Variants in DNAJC15 observed in about 807,000 individuals in gnomAD.
DNAJC15 encodes the protein DnaJ heat shock protein family (Hsp40) member C15.
A neutral mutation model predicts 22.4 loss-of-function variants in DNAJC15; 27 were observed. That is an observed-to-expected ratio of 1.20 (90% CI 0.89 to 1.66). DNAJC15 has a LOEUF of 1.66. DNAJC15 is among the 40% of genes most tolerant of loss of function. DNAJC15 has a pLI of 0.00. For missense variants in DNAJC15, 208 were observed against 187.1 expected (o/e 1.11, Z -0.65); for synonymous variants, 79 against 63.2 (o/e 1.25, Z -1.19).
intron 1 of DNAJC15, among the ~76,000 whole-genome samples, chr13:43,054,687 T>A (rs1195238245): frequency 6.6e-6 from 1 of 152,222 alleles, no homozygotes; most frequent in Admixed American, 6.5e-5. Context: ...CTAGTTTCTC[T>A]GTGTAAGGGT....
chr13:43,112,864 T>G lies in DNAJC15; in HGVS notation c.*5616T>G, dbSNP rs1009018174. 6.6e-6 allele frequency: 1 copy of G among 152,218 alleles called. No homozygotes were observed. Among genetic ancestry groups the G allele is most frequent in the Non-Finnish European group, 1.5e-5 (1 of 68,038 alleles). 9.4% of individuals were successfully genotyped at this position (152,218 alleles called of 1,614,324 possible). On this transcript the variant is annotated 3_prime_UTR_variant, in exon 6 of 6. Transcript: ENST00000379221. ...TGAAGGGGCTTGTATGACTTTTGGC[T>G]CATTTTTTGATGCATGTGACCTGGG...
At chr13:43,104,083 A>C (rs1016243792) in intron 5 of DNAJC15, among the ~76,000 whole-genome samples, 1 of 152,216 alleles carries the variant, frequency 6.6e-6, no homozygotes, top group Non-Finnish European at 1.5e-5. Context: ...AAATGCACCC[A>C]TTTAAACGCA....
At chr13:43,089,173 TTAAA>T (rs2040702806) in intron 5 of DNAJC15, among the ~76,000 whole-genome samples, 1 of 152,214 alleles carries the variant, frequency 6.6e-6, no homozygotes, top group Admixed American at 6.5e-5. Context: ...AACTAATACA[TTAAA>T]TAATTTCTTA....
intron 2 of DNAJC15, among the ~76,000 whole-genome samples, chr13:43,068,199 G>C (rs1044519115): frequency 6.6e-6 from 1 of 152,118 alleles, no homozygotes; most frequent in Non-Finnish European, 1.5e-5. Context: ...GACACAATCT[G>C]ATTGGGGTGC....
intron 1 of DNAJC15, among the ~76,000 whole-genome samples, chr13:43,027,779 C>G (rs1382105975): frequency 6.6e-6 from 1 of 152,174 alleles, no homozygotes; most frequent in African/African-American, 2.4e-5. Flanking sequence ...GCCTCAGCCT[C>G]CCAAGTAGCT....
chr13:43,095,666 G>A (rs1263550383), intron 5 of DNAJC15, among the ~76,000 whole-genome samples: 1 of 152,106 alleles, frequency 6.6e-6, no homozygotes, highest in African/African-American at 2.4e-5. Flanking sequence ...ATCATCAAAG[G>A]AGACAGAAGG....
At chr13:43,094,495 G>T (rs1547133) in intron 5 of DNAJC15, among the ~76,000 whole-genome samples, 34,661 of 152,120 alleles carry the variant, frequency 0.23, 4,505 homozygotes, top group Non-Finnish European at 0.3. Context: ...GTTCCAGCTG[G>T]GTTTCTGGGG....
At chr13:43,075,122 C>G (rs2040627464) in intron 3 of DNAJC15, among the ~76,000 whole-genome samples, 1 of 152,016 alleles carries the variant, frequency 6.6e-6, no homozygotes, top group Non-Finnish European at 1.5e-5. Flanking sequence ...TTTTCTGCAC[C>G]CAGCCCCACA....
At chr13:43,084,278 TA>T (rs2040677050) in intron 4 of DNAJC15, among the ~76,000 whole-genome samples, 1 of 152,242 alleles carries the variant, frequency 6.6e-6, no homozygotes, top group South Asian at 2.1e-4. Context: ...TACAGTCTCA[TA>T]AGCATCCTTT....
At position 43,111,070 on chromosome 13, in the gene DNAJC15, A is replaced by C. The variant is rs2040822565; in HGVS notation, c.*3822A>C. 6.6e-6 allele frequency: 1 copy of C among 152,246 alleles called. No homozygotes were observed. The allele number at this position is 152,246 out of a possible 1,614,324, so 9.4% of individuals were successfully genotyped here. ...GAGAAAGTGTAAGTCAAGGACAGTT[A>C]ATTCAAGGGGAACATAGAAAGCTAT... On this transcript the variant is annotated 3_prime_UTR_variant, in exon 6 of 6. Coordinates refer to ENST00000379221, the MANE Select transcript of DNAJC15 (RefSeq NM_013238.3).
intron 1 of DNAJC15, among the ~76,000 whole-genome samples, chr13:43,053,298 G>C (rs908640302): frequency 6.6e-6 from 1 of 152,152 alleles, no homozygotes; most frequent in African/African-American, 2.4e-5. Context: ...CTGTTTTGGT[G>C]ACTATGGCTT....
intron 1 of DNAJC15, among the ~76,000 whole-genome samples, chr13:43,047,304 A>G (rs1412211034): frequency 6.6e-6 from 1 of 152,240 alleles, no homozygotes; most frequent in Non-Finnish European, 1.5e-5. Context: ...AATGAGTATT[A>G]ACTAATGTAA....
intron 5 of DNAJC15, among the ~76,000 whole-genome samples, chr13:43,106,064 T>C (rs991657959): frequency 1.3e-5 from 2 of 152,200 alleles, no homozygotes; most frequent in Non-Finnish European, 2.9e-5. Flanking sequence ...TGTTTGTTGA[T>C]CTATTTTCTT....
chr13:43,085,892 C>T (rs2040685771), intron 5 of DNAJC15, 54 bp downstream of exon 5: 2 of 1,488,534 alleles, frequency 1.3e-6, no homozygotes, highest in East Asian at 4.6e-5. Flanking sequence ...GCTGTGAATT[C>T]CTTTCAGATT....
chr13:43,029,144 C>T (rs1330250755), intron 1 of DNAJC15, among the ~76,000 whole-genome samples: 12 of 152,212 alleles, frequency 7.9e-5, no homozygotes, highest in Admixed American at 6.5e-4. Flanking sequence ...ATGTTAGCCT[C>T]TAAGGGAGAG....
chr13:43,087,319 C>CA (rs758805501), intron 5 of DNAJC15, among the ~76,000 whole-genome samples: 77 of 152,178 alleles, frequency 5.1e-4, no homozygotes, highest in Admixed American at 9.8e-4. Context: ...TCCATATACT[C>CA]ACAGTTAAGA....
At chr13:43,091,504 A>T (rs148306561) in intron 5 of DNAJC15, among the ~76,000 whole-genome samples, 1 of 152,176 alleles carries the variant, frequency 6.6e-6, no homozygotes, top group Non-Finnish European at 1.5e-5. Flanking sequence ...TTTCAGGTCT[A>T]TTGTTACAAA....
chr13:43,035,363 T>C (rs2040424415), intron 1 of DNAJC15, among the ~76,000 whole-genome samples: 1 of 152,194 alleles, frequency 6.6e-6, no homozygotes, highest in South Asian at 2.1e-4. Flanking sequence ...TGTCTCTGGG[T>C]ATAAGGTTAA....
chr13:43,080,330 A>G (rs1174209126), intron 4 of DNAJC15, among the ~76,000 whole-genome samples: 1 of 152,072 alleles, frequency 6.6e-6, no homozygotes, highest in Non-Finnish European at 1.5e-5. Context: ...CTGTTTCTGC[A>G]TTAGTTTGCT....
Sources: allele counts gnomAD v4.1 joint callset (sites outside exome capture counted in the v4.1 genomes callset), GRCh38; gene constraint gnomAD v4.1.1; transcripts MANE v1.5; gene names NCBI Gene and HGNC (gene_info 2026-07-23, HGNC 2026-07-21).